The following TUBA1C variants were observed in gnomAD, a reference collection of about 807,000 sequenced individuals.
TUBA1C encodes tubulin alpha-1C chain.
Under a neutral mutation model 34.9 loss-of-function variants are expected in TUBA1C, and 16 were observed. The ratio of observed to expected loss-of-function variants is 0.46; its 90% CI spans 0.31 to 0.70. The LOEUF is 0.70. Ranked by LOEUF, TUBA1C falls within the 30% of genes least tolerant of loss-of-function variation. TUBA1C has a pLI of 0.05. For missense variants in TUBA1C, 329 were observed against 587.3 expected, an observed-to-expected ratio of 0.56 and a Z score of 4.55; for synonymous variants, 177 against 215.9, an observed-to-expected ratio of 0.82 and a Z score of 1.58.
chr12:49,234,418 C>T (rs1942527941), intron 1 of TUBA1C, among the ~76,000 whole-genome samples: 1 of 152,266 alleles, frequency 6.6e-6, no homozygotes, highest in African/African-American at 2.4e-5. Context: ...AAACACTACT[C>T]TCCAAACCAG....
At chr12:49,260,196 G>A (rs1242222709), upstream of TUBA1C, among the ~76,000 whole-genome samples, 1 of 152,114 alleles carries the variant, frequency 6.6e-6, no homozygotes, top group Non-Finnish European at 1.5e-5. Context: ...TAAAGGAATG[G>A]GGGAAGGGGG....
At chr12:49,261,130 C>T (rs1208745648), upstream of TUBA1C, among the ~76,000 whole-genome samples, 2 of 152,110 alleles carry the variant, frequency 1.3e-5, no homozygotes, top group East Asian at 1.9e-4. Context: ...AGGCAGATCA[C>T]CTGAGGTCAG....
In TUBA1C at chr12:49,272,237, C is replaced by CT. The variant is rs769178494; in HGVS notation, c.376-10dup. 3 of 1,579,628 alleles carry CT rather than the reference C, an allele frequency of 1.9e-6. No homozygotes were observed. Among genetic ancestry groups the CT allele is most frequent in the East Asian group, 2.2e-5 (1 of 44,504 alleles). The stretch of plus-strand genomic sequence containing the variant: ...AAACTTTCGCAACACTAAAATGAAA[C>CT]TTTTTTATTTTGCAGGCTGACCAGT... On this transcript the variant is annotated splice_polypyrimidine_tract_variant and intron_variant, in intron 3 of 3. Coordinates refer to ENST00000301072, the MANE Select transcript of TUBA1C (RefSeq NM_032704.5).
intron 1 of TUBA1C, among the ~76,000 whole-genome samples, chr12:49,229,334 A>T (rs1942471205): frequency 6.6e-6 from 1 of 152,032 alleles, no homozygotes; most frequent in Admixed American, 6.6e-5. Context: ...CACCATGCCC[A>T]GCTAATTTTT....
At chr12:49,261,347 T>A (rs1942838810), upstream of TUBA1C, among the ~76,000 whole-genome samples, 1 of 152,210 alleles carries the variant, frequency 6.6e-6, no homozygotes, top group Non-Finnish European at 1.5e-5. Context: ...AACCTTACCA[T>A]AGGACTACAA....
chr12:49,245,710 G>A (rs1942660305), intron 1 of TUBA1C, among the ~76,000 whole-genome samples: 1 of 152,206 alleles, frequency 6.6e-6, no homozygotes, highest in South Asian at 2.1e-4. Context: ...TCAGCAAGAG[G>A]ATTTTGCCAG....
chr12:49,247,463 C>T (rs1942682671), intron 1 of TUBA1C, among the ~76,000 whole-genome samples: 1 of 144,792 alleles, frequency 6.9e-6, no homozygotes, highest in Non-Finnish European at 1.6e-5. Context: ...AGGCTGATTG[C>T]TTCTCAGCCT....
chr12:49,248,680 A>G (rs555931338), intron 1 of TUBA1C, among the ~76,000 whole-genome samples: 12 of 151,344 alleles, frequency 7.9e-5, no homozygotes, highest in Admixed American at 2.6e-4. Context: ...TGGCTAACAC[A>G]GTGAAACTCC....
chr12:49,273,009 C>G lies in TUBA1C; in HGVS notation c.1132C>G (p.Leu378Val), dbSNP rs1943014648. 6.2e-7 allele frequency: 1 copy of G among 1,614,238 alleles called. No individual in the cohort carries two copies. The highest frequency in any genetic ancestry group is 8.5e-7 in the Non-Finnish European group (1 of 1,180,038). ...CAAGGTACAGAGAGCTGTGTGCATG[C>G]TGAGCAATACCACAGCTGTTGCCGA... is the stretch of plus-strand genomic sequence containing the variant. ...LAKVQRAVCM[L>V]SNTTAVAEAW... is the part of the protein sequence containing the mutation. Residue 378 changes from leucine (L) to valine (V), a missense_variant, in exon 4 of 4, where the codon CTG (leucine) becomes GTG (valine). By Grantham distance (32) the Leu-to-Val change is conservative (BLOSUM62 1). This residue lies in a region of TUBA1C where 140 missense variants were observed against 289.8 expected (regional missense o/e 0.48). Transcript: ENST00000301072.
At chr12:49,240,069 CA>C (rs1435762517) in intron 1 of TUBA1C, among the ~76,000 whole-genome samples, 47 of 151,592 alleles carry the variant, frequency 3.1e-4, no homozygotes, top group Admixed American at 1.1e-3. Context: ...CACACACACA[CA>C]CACACACCCT....
intron 1 of TUBA1C, 59 bp downstream of exon 1, chr12:49,265,243 G>A: frequency 2.7e-6 from 4 of 1,468,484 alleles, no homozygotes; most frequent in Non-Finnish European, 2.8e-6. Context: ...CGGCGGGCCC[G>A]GAAACTACTG....
At chr12:49,230,612 G>A (rs1346287225) in intron 1 of TUBA1C, among the ~76,000 whole-genome samples, 3 of 152,318 alleles carry the variant, frequency 2.0e-5, no homozygotes, top group Admixed American at 6.5e-5. Flanking sequence ...GACATGTTCC[G>A]TTATGAATTG....
At chr12:49,233,679 A>G (rs1464078778) in intron 1 of TUBA1C, 1 of 152,236 alleles carries the variant, frequency 6.6e-6, no homozygotes, top group African/African-American at 2.4e-5. Context: ...TGACTCCTAG[A>G]CCGAGTGAAC....
intron 1 of TUBA1C, among the ~76,000 whole-genome samples, chr12:49,248,170 G>C (rs1197825938): frequency 1.3e-5 from 2 of 151,952 alleles, no homozygotes; most frequent in Non-Finnish European, 2.9e-5. Flanking sequence ...AGCTACCCAG[G>C]AGGCTGAGGC....
At chr12:49,241,248 C>T (rs1942611924) in intron 1 of TUBA1C, among the ~76,000 whole-genome samples, 1 of 152,110 alleles carries the variant, frequency 6.6e-6, no homozygotes, top group South Asian at 2.1e-4. Flanking sequence ...TTATCTGTGT[C>T]TTCCATACCA....
At chr12:49,266,195 G>A (rs573837325) in intron 1 of TUBA1C, among the ~76,000 whole-genome samples, 1 of 150,174 alleles carries the variant, frequency 6.7e-6, no homozygotes, top group Non-Finnish European at 1.5e-5. Context: ...GGAGGCTGAG[G>A]CTGGTGGATC....
At chr12:49,256,987 C>T (rs1942790537) in intron 1 of TUBA1C, among the ~76,000 whole-genome samples, 1 of 151,826 alleles carries the variant, frequency 6.6e-6, no homozygotes, top group African/African-American at 2.4e-5. Context: ...TGAGACCAGC[C>T]TGGCCAACAT....
At chr12:49,235,300 A>T (rs1942542232) in intron 1 of TUBA1C, among the ~76,000 whole-genome samples, 1 of 151,734 alleles carries the variant, frequency 6.6e-6, no homozygotes, top group Non-Finnish European at 1.5e-5. Flanking sequence ...ATTTTTCTGC[A>T]AGCTTGGAGG....
At chr12:49,235,007 G>T (rs776967960) in intron 1 of TUBA1C, among the ~76,000 whole-genome samples, 2 of 151,614 alleles carry the variant, frequency 1.3e-5, no homozygotes, top group Non-Finnish European at 2.9e-5. Flanking sequence ...TAGTAGAGAC[G>T]GGGTTTCACC....
Sources: gnomAD v4.1 joint callset for allele counts (sites outside exome capture counted in the v4.1 genomes callset) on GRCh38, gnomAD v4.1.1 for gene constraint, gnomAD v4.1.1 regional missense constraint, MANE v1.5 for transcripts, NCBI Gene and HGNC (gene_info 2026-07-23, HGNC 2026-07-21) for gene names.